Variants in VAV3 observed in about 807,000 individuals in gnomAD.
The protein encoded by VAV3 is guanine nucleotide exchange factor VAV3.
Under a neutral mutation model 131.2 loss-of-function variants are expected in VAV3, and 94 were observed. The observed-to-expected ratio is 0.72, with a 90% CI of 0.61 to 0.85. The LOEUF (loss-of-function observed/expected upper bound fraction) is 0.85. Among genes scored for constraint, VAV3 ranks in the 40% least tolerant of loss-of-function variants. VAV3 has a pLI of 0.00. For synonymous variants in VAV3, 349 were observed against 342.0 expected, an observed-to-expected ratio of 1.02 and a Z score of -0.22; for missense variants, 939 against 1,002.7, an observed-to-expected ratio of 0.94 and a Z score of 0.86.
chr1:107,863,608 C>A (rs951959010), intron 2 of VAV3, among the ~76,000 whole-genome samples: 3 of 152,166 alleles, frequency 2.0e-5, no homozygotes, highest in Non-Finnish European at 4.4e-5. Context: ...CAGCGAAATC[C>A]AAAAATTCCA....
chr1:107,812,790 G>C (rs896771699), intron 2 of VAV3, among the ~76,000 whole-genome samples: 4 of 152,066 alleles, frequency 2.6e-5, no homozygotes, highest in Admixed American at 1.3e-4. Flanking sequence ...TTTGGCATGG[G>C]GGTTGAAGCA....
chr1:107,655,174 T>C lies in VAV3; in HGVS notation c.1778-12419A>G, dbSNP rs532756537. ...ACATAACACAAAGCCAAAGCAATCC[T>C]GGACAAATGGAATAAAGCTGGAGAT... On this transcript the variant is annotated intron_variant, in intron 19 of 26. Transcript: ENST00000370056. Among the ~76,000 whole-genome samples the C allele has an allele frequency of 1.9e-4, 29 of 152,182 alleles. No homozygotes were observed. The South Asian group carries it at 5.4e-3, about 28-fold the overall frequency.
chr1:107,878,770 C>T (rs907875370), intron 1 of VAV3, among the ~76,000 whole-genome samples: 1 of 152,080 alleles, frequency 6.6e-6, no homozygotes, highest in Non-Finnish European at 1.5e-5. Flanking sequence ...ACATGTCCCC[C>T]CTTTATAGCA....
At chr1:107,587,833 C>T (rs1650623856) in intron 25 of VAV3, among the ~76,000 whole-genome samples, 1 of 152,152 alleles carries the variant, frequency 6.6e-6, no homozygotes, top group Non-Finnish European at 1.5e-5. Context: ...CTCAAATGAT[C>T]CACCTGCTTC....
At chr1:107,717,936 T>C (rs933951432) in intron 15 of VAV3, among the ~76,000 whole-genome samples, 3 of 152,194 alleles carry the variant, frequency 2.0e-5, no homozygotes, top group Non-Finnish European at 4.4e-5. Flanking sequence ...ATTGGGTGCA[T>C]ATATATTTAG....
chr1:107,583,130 C>T (rs1352669158), intron 25 of VAV3, among the ~76,000 whole-genome samples: 2 of 152,104 alleles, frequency 1.3e-5, no homozygotes, highest in Non-Finnish European at 2.9e-5. Flanking sequence ...TGGTATCTCA[C>T]TGTGGTTTTG....
At chr1:107,829,212 AG>A (rs1296521410) in intron 2 of VAV3, among the ~76,000 whole-genome samples, 1 of 152,198 alleles carries the variant, frequency 6.6e-6, no homozygotes, top group African/African-American at 2.4e-5. Context: ...AGCAAATGAA[AG>A]GGGATGATAG....
Position 107,571,536 on chromosome 1 carries a change from A to AGGCTGCTCCCTCCATAACAAAGTTC in VAV3, c.*1770_*1794dup. ...CCACAGGAGTGTTTCTGCTTGTGTGAGGCTGCTCCCTCCATAACAAAGTTC... is the reference window on the plus strand; with the variant it reads ...CCACAGGAGTGTTTCTGCTTGTGTGAGGCTGCTCCCTCCATAACAAAGTTCGGCTGCTCCCTCCATAACAAAGTTC... On this transcript the variant is annotated 3_prime_UTR_variant, in exon 27 of 27. Coordinates refer to ENST00000370056, the MANE Select transcript of VAV3 (RefSeq NM_006113.5). The AGGCTGCTCCCTCCATAACAAAGTTC allele has an allele frequency of 6.6e-6, 1 of 152,644 alleles. No homozygotes were observed. The highest frequency in any genetic ancestry group is 6.5e-5 in the Admixed American group (1 of 15,288). The allele number at this position is 152,644 out of a possible 1,614,324, so 9.5% of individuals were successfully genotyped here. A position where few individuals can be genotyped will look rare whatever the true frequency, so the allele number is the denominator to read the frequency against.
At chr1:107,809,991 T>C (rs567472490) in intron 2 of VAV3, among the ~76,000 whole-genome samples, 1 of 152,334 alleles carries the variant, frequency 6.6e-6, no homozygotes, top group South Asian at 2.1e-4. Context: ...AAACAACACA[T>C]TTTCAGTTAT....
chr1:107,714,447 T>A (rs1008695300), intron 15 of VAV3, among the ~76,000 whole-genome samples: 6 of 152,272 alleles, frequency 3.9e-5, no homozygotes, highest in African/African-American at 1.4e-4. Context: ...AGTTAGACTT[T>A]CCCATAAGAT....
At chr1:107,861,621 G>C (rs1023891512) in intron 2 of VAV3, among the ~76,000 whole-genome samples, 4 of 151,400 alleles carry the variant, frequency 2.6e-5, no homozygotes, top group African/African-American at 9.7e-5. Flanking sequence ...ATTTGACCTA[G>C]ACTGACCAAT....
At chr1:107,942,998 C>T (rs1674074871) in intron 1 of VAV3, among the ~76,000 whole-genome samples, 2 of 152,164 alleles carry the variant, frequency 1.3e-5, no homozygotes, top group African/African-American at 4.8e-5. Context: ...TAGAACAATG[C>T]TTCTTCCCCC....
chr1:107,684,882 A>C (rs1658908959), intron 18 of VAV3, among the ~76,000 whole-genome samples: 1 of 152,230 alleles, frequency 6.6e-6, no homozygotes, highest in South Asian at 2.1e-4. Flanking sequence ...GAAATTTTAT[A>C]ATTTAGAGGA....
At chr1:107,850,554 C>T (rs1467115607) in intron 2 of VAV3, among the ~76,000 whole-genome samples, 1 of 148,560 alleles carries the variant, frequency 6.7e-6, no homozygotes, top group Non-Finnish European at 1.5e-5. Context: ...GGGAACATCA[C>T]ACATCAGGGC....
chr1:107,798,769 C>T (rs2102295258), intron 2 of VAV3, among the ~76,000 whole-genome samples: 1 of 134,138 alleles, frequency 7.5e-6, no homozygotes, highest in African/African-American at 2.8e-5. Context: ...GAACTGTCAA[C>T]AATGGTGACT....
chr1:107,637,331 T>A (rs565215579), intron 20 of VAV3, among the ~76,000 whole-genome samples: 153 of 152,142 alleles, frequency 1.0e-3, no homozygotes, highest in Non-Finnish European at 1.2e-3. Flanking sequence ...TTTTTTTTTT[T>A]AAACTTCTAG....
intron 19 of VAV3, among the ~76,000 whole-genome samples, chr1:107,659,715 A>T (rs981589711): frequency 2.0e-5 from 3 of 152,182 alleles, no homozygotes; most frequent in Admixed American, 6.5e-5. Context: ...GTATAGTATT[A>T]AGGATATGCT....
chr1:107,637,014 A>G, intron 20 of VAV3, among the ~76,000 whole-genome samples: 1 of 152,296 alleles, frequency 6.6e-6, no homozygotes, highest in Non-Finnish European at 1.5e-5. Context: ...TGATAGGGGA[A>G]AAAAACAATA....
intron 1 of VAV3, among the ~76,000 whole-genome samples, chr1:107,878,585 C>T (rs1281905562): frequency 6.6e-6 from 1 of 152,144 alleles, no homozygotes; most frequent in Non-Finnish European, 1.5e-5. Flanking sequence ...TTCCTGTGAA[C>T]TGAAAGCTAA....
Sources: allele counts gnomAD v4.1 joint callset (sites outside exome capture counted in the v4.1 genomes callset), GRCh38; gene constraint gnomAD v4.1.1; transcripts MANE v1.5; gene names NCBI Gene and HGNC (gene_info 2026-07-23, HGNC 2026-07-21).